The following MACROD2 variants were observed in gnomAD, a reference collection of about 807,000 sequenced individuals.
MACROD2 encodes ADP-ribose glycohydrolase MACROD2.
MACROD2 carries 36 observed loss-of-function variants against 70.4 expected under a neutral mutation model. The ratio of observed to expected loss-of-function variants is 0.51; its 90% CI spans 0.39 to 0.68. The LOEUF (loss-of-function observed/expected upper bound fraction) is 0.68, where lower values mean the gene tolerates loss of function less well. MACROD2 is among the 30% of genes least tolerant of loss of function. MACROD2 has a pLI of 0.00. For synonymous variants in MACROD2, 172 were observed against 178.8 expected (o/e 0.96, Z 0.30); for missense variants, 496 against 538.4 (o/e 0.92, Z 0.78).
At chr20:14,519,128 G>A (rs148795136) in intron 4 of MACROD2, among the ~76,000 whole-genome samples, 2 of 152,228 alleles carry the variant, frequency 1.3e-5, no homozygotes, top group Admixed American at 6.5e-5. Flanking sequence ...GAAAATTATA[G>A]CAATGTGAAG....
At chr20:14,823,547 A>G (rs1257803265) in intron 5 of MACROD2, among the ~76,000 whole-genome samples, 1 of 152,060 alleles carries the variant, frequency 6.6e-6, no homozygotes, top group Non-Finnish European at 1.5e-5. Flanking sequence ...CTGCTAGATT[A>G]CCAGCCATCG....
chr20:14,701,566 A>G (rs76473367), intron 5 of MACROD2, among the ~76,000 whole-genome samples: 4 of 152,256 alleles, frequency 2.6e-5, no homozygotes, highest in Non-Finnish European at 4.4e-5. Context: ...TGACATTATA[A>G]TGAGGTTTTA....
intron 3 of MACROD2, among the ~76,000 whole-genome samples, chr20:14,168,892 C>A (rs1420311761): frequency 1.3e-5 from 2 of 151,990 alleles, no homozygotes; most frequent in African/African-American, 4.8e-5. Context: ...CAGGAAAGGA[C>A]ATAACAAAAA....
chr20:15,403,456 A>ACGAGGAGGAGGAG (rs2045957746), intron 6 of MACROD2, among the ~76,000 whole-genome samples: 1 of 139,978 alleles, frequency 7.1e-6, no homozygotes, highest in African/African-American at 3.3e-5. Context: ...GAGGAGGAGG[A>ACGAGGAGGAGGAG]GAGAGATTGT....
intron 2 of MACROD2, among the ~76,000 whole-genome samples, chr20:14,009,539 T>C (rs543574548): frequency 2.0e-5 from 3 of 152,290 alleles, no homozygotes; most frequent in Non-Finnish European, 4.4e-5. Context: ...GCTCAACCAT[T>C]GTGGAAGACA....
At chr20:14,895,651 G>T (rs1163501046) in intron 5 of MACROD2, 1 of 152,110 alleles carries the variant, frequency 6.6e-6, no homozygotes, top group East Asian at 1.9e-4. Flanking sequence ...AAAAGGTGGG[G>T]AGGTAGCCTC....
chr20:14,506,624 A>G (rs2084972184), intron 4 of MACROD2, among the ~76,000 whole-genome samples: 1 of 152,058 alleles, frequency 6.6e-6, no homozygotes, highest in Admixed American at 6.6e-5. Context: ...CAACTCCAAA[A>G]CCTTCCAGCA....
At chr20:15,357,014 C>A (rs944746678) in intron 6 of MACROD2, among the ~76,000 whole-genome samples, 1 of 151,966 alleles carries the variant, frequency 6.6e-6, no homozygotes, top group Non-Finnish European at 1.5e-5. Context: ...CTTATATGAA[C>A]CTTTATATGA....
At chr20:15,424,632 A>G (rs112154724) in intron 6 of MACROD2, among the ~76,000 whole-genome samples, 44 of 152,322 alleles carry the variant, frequency 2.9e-4, no homozygotes, top group African/African-American at 1.0e-3. Context: ...AGGAGGGAGA[A>G]TGGCTTGAGC....
At chr20:15,710,337 T>C (rs1180924895) in intron 8 of MACROD2, among the ~76,000 whole-genome samples, 4 of 152,206 alleles carry the variant, frequency 2.6e-5, no homozygotes, top group African/African-American at 9.6e-5. Flanking sequence ...GATGGCTCTT[T>C]GACTTCCTAA....
intron 8 of MACROD2, among the ~76,000 whole-genome samples, chr20:15,574,084 A>G (rs2048411944): frequency 6.6e-6 from 1 of 152,084 alleles, no homozygotes. Flanking sequence ...TACTACTCTT[A>G]CCACTAATCT....
chr20:14,470,735 T>G (rs945072748), intron 3 of MACROD2, among the ~76,000 whole-genome samples: 14 of 152,146 alleles, frequency 9.2e-5, no homozygotes, highest in Non-Finnish European at 1.5e-5. Flanking sequence ...ATGGGAAAAC[T>G]GCCTACTCAA....
intron 5 of MACROD2, among the ~76,000 whole-genome samples, chr20:14,977,491 AC>A (rs1193699003): frequency 6.6e-5 from 10 of 151,812 alleles, no homozygotes; most frequent in African/African-American, 2.2e-4. Context: ...ACACACACAC[AC>A]ACACACACAA....
chr20:15,516,866 A>G (rs2047574641), intron 8 of MACROD2, among the ~76,000 whole-genome samples: 1 of 152,212 alleles, frequency 6.6e-6, no homozygotes, highest in African/African-American at 2.4e-5. Context: ...TGTTATCAGT[A>G]GAAATCACAG....
At chr20:14,523,210 C>T (rs1270233036) in intron 4 of MACROD2, among the ~76,000 whole-genome samples, 1 of 152,140 alleles carries the variant, frequency 6.6e-6, no homozygotes, top group Non-Finnish European at 1.5e-5. Context: ...CCAGAAAAAC[C>T]TTTCGAGGCC....
At chr20:14,864,226 C>A (rs1202351993) in intron 5 of MACROD2, among the ~76,000 whole-genome samples, 6 of 152,060 alleles carry the variant, frequency 3.9e-5, no homozygotes, top group Non-Finnish European at 7.4e-5. Context: ...ATGAGAAGTC[C>A]TATAGTAAAG....
Position 15,227,834 on chromosome 20 carries a change from T to TG in MACROD2, c.419-2106_419-2105insG, listed in dbSNP as rs2076922679. ...ATAGAATTTCACCTGTTTTTTTTTT[T>TG]TTTTTTTTTTTTTTTCAAATTTAAT... On this transcript the variant is annotated intron_variant, in intron 5 of 17. Coordinates refer to ENST00000684519, the MANE Select transcript of MACROD2 (RefSeq NM_001351661.2). 7.0e-5 allele frequency among the ~76,000 whole-genome samples: 10 copies of TG among 143,246 alleles called. 2 individuals are homozygous for TG. The South Asian group carries it at 1.1e-3, about 16-fold the overall frequency. The allele number at this position is 143,246 out of a possible 152,430, so 94.0% of individuals were successfully genotyped here.
At chr20:15,388,458 T>A (rs958641845) in intron 6 of MACROD2, among the ~76,000 whole-genome samples, 2 of 152,182 alleles carry the variant, frequency 1.3e-5, no homozygotes, top group Non-Finnish European at 2.9e-5. Context: ...ATGTTTGACA[T>A]ATTACATACA....
intron 2 of MACROD2, among the ~76,000 whole-genome samples, chr20:14,024,988 A>G (rs1171812855): frequency 6.6e-6 from 1 of 151,968 alleles, no homozygotes; most frequent in African/African-American, 2.4e-5. Context: ...TCAATTGTTA[A>G]TTGTCTGGTC....
Sources: allele counts gnomAD v4.1 joint callset (sites outside exome capture counted in the v4.1 genomes callset), GRCh38; gene constraint gnomAD v4.1.1; transcripts MANE v1.5; gene names NCBI Gene and HGNC (gene_info 2026-07-23, HGNC 2026-07-21).